The following WDFY4 variants were observed in gnomAD, a reference collection of about 807,000 sequenced individuals.
WDFY4 encodes the protein WD repeat- and FYVE domain-containing protein 4.
A neutral mutation model predicts 351.9 loss-of-function variants in WDFY4; 169 were observed. That is an observed-to-expected ratio of 0.48 (90% CI 0.42 to 0.55). The LOEUF (loss-of-function observed/expected upper bound fraction) is 0.55. Ranked by LOEUF, WDFY4 falls within the 20% of genes least tolerant of loss-of-function variation. The pLI is 0.00. For missense variants in WDFY4, 3,803 were observed against 3,935.6 expected (o/e 0.97, Z 0.90); for synonymous variants, 1,622 against 1,574.6 (o/e 1.03, Z -0.71).
chr10:48,847,252 C>T (rs184335256), intron 39 of WDFY4, among the ~76,000 whole-genome samples: 3 of 152,256 alleles, frequency 2.0e-5, no homozygotes, highest in South Asian at 4.1e-4. Context: ...CTGTTATAAG[C>T]ACACCAGTCA....
At chr10:48,909,325 C>G (rs1034309520) in intron 47 of WDFY4, among the ~76,000 whole-genome samples, 11 of 151,594 alleles carry the variant, frequency 7.3e-5, no homozygotes, top group Admixed American at 2.0e-4. Flanking sequence ...TTTCTTTTTC[C>G]TGCCTACCTA....
intron 1 of WDFY4, among the ~76,000 whole-genome samples, chr10:48,691,358 G>A (rs1218788783): frequency 2.0e-5 from 3 of 152,112 alleles, no homozygotes; most frequent in Non-Finnish European, 2.9e-5. Flanking sequence ...CTGGGTCCCC[G>A]AAGTGGGCAC....
chr10:48,881,260 A>T (rs2133325219), intron 43 of WDFY4, among the ~76,000 whole-genome samples: 1 of 152,380 alleles, frequency 6.6e-6, no homozygotes, highest in South Asian at 2.1e-4. Context: ...TACCTATGGC[A>T]TGGCCCAAGG....
At chr10:48,827,134 C>T (rs1454046668) in intron 36 of WDFY4, among the ~76,000 whole-genome samples, 1 of 152,116 alleles carries the variant, frequency 6.6e-6, no homozygotes, top group Non-Finnish European at 1.5e-5. Flanking sequence ...TACCCTATTT[C>T]CACAATTCTA....
At position 48,966,432 on chromosome 10, in the gene WDFY4, C is replaced by T; in HGVS notation, c.8437-94C>T. ...TCAGGAACAAGCCGAGCTGTGGCAA[C>T]CCCCAGAGACAGGGTGCAGCTACAG... On this transcript the variant is annotated intron_variant, in intron 54 of 61. Coordinates refer to ENST00000325239, the MANE Select transcript of WDFY4 (RefSeq NM_001394531.1). 4 of 1,372,626 alleles carry T rather than the reference C, an allele frequency of 2.9e-6. No homozygotes were observed. In the South Asian group the frequency reaches 4.6e-5, roughly 16 times the overall value. The allele number at this position is 1,372,626 out of a possible 1,614,324, so 85.0% of individuals were successfully genotyped here.
chr10:48,752,043 C>G (rs2065200754), intron 12 of WDFY4, among the ~76,000 whole-genome samples: 1 of 152,212 alleles, frequency 6.6e-6, no homozygotes, highest in Non-Finnish European at 1.5e-5. Context: ...GTCGTACCCA[C>G]AGGTCCCTTG....
intron 51 of WDFY4, among the ~76,000 whole-genome samples, chr10:48,956,002 T>A (rs758336442): frequency 3.9e-5 from 6 of 152,190 alleles, no homozygotes; most frequent in Non-Finnish European, 8.8e-5. Flanking sequence ...CAAAACTTAC[T>A]TAGACCCAAG....
At chr10:48,713,423 C>G (rs2063818043) in intron 2 of WDFY4, among the ~76,000 whole-genome samples, 1 of 152,224 alleles carries the variant, frequency 6.6e-6, no homozygotes, top group African/African-American at 2.4e-5. Flanking sequence ...TCCTCTATCC[C>G]TGTCTTTGTT....
chr10:48,953,337 A>T (rs867663993), intron 51 of WDFY4, among the ~76,000 whole-genome samples: 4,689 of 95,902 alleles, frequency 0.049, 222 homozygotes, highest in African/African-American at 0.15. Context: ...TCTCTCTCAC[A>T]CACACACACA....
intron 11 of WDFY4, among the ~76,000 whole-genome samples, chr10:48,740,826 A>C (rs2064828571): frequency 6.6e-6 from 1 of 152,112 alleles, no homozygotes. Context: ...ACGACAATTC[A>C]ATTCCCTGCA....
chr10:48,801,415 C>A, intron 24 of WDFY4: 1 of 439,318 alleles, frequency 2.3e-6, no homozygotes, highest in Non-Finnish European at 4.6e-6. Flanking sequence ...GTTCTCTCAG[C>A]CCTTAGCCCC....
At chr10:48,812,179 C>CTTTTTT (rs1355851618) in intron 30 of WDFY4, among the ~76,000 whole-genome samples, 17 of 134,538 alleles carry the variant, frequency 1.3e-4, no homozygotes, top group African/African-American at 3.5e-4. Flanking sequence ...TCTTTCTTTT[C>CTTTTTT]TTTTTTTTTT....
intron 16 of WDFY4, 39 bp downstream of exon 16, chr10:48,777,023 A>C: frequency 6.6e-7 from 1 of 1,523,450 alleles, no homozygotes; most frequent in East Asian, 2.5e-5. Flanking sequence ...GCACTTTATT[A>C]ATTTTGCAGT....
intron 41 of WDFY4, among the ~76,000 whole-genome samples, chr10:48,874,234 G>A (rs1288257414): frequency 6.6e-6 from 1 of 152,198 alleles, no homozygotes; most frequent in African/African-American, 2.4e-5. Context: ...ACAGAATCTG[G>A]GTAGTCCCTG....
intron 12 of WDFY4, among the ~76,000 whole-genome samples, chr10:48,758,084 T>C (rs966293071): frequency 6.6e-6 from 1 of 152,182 alleles, no homozygotes; most frequent in Non-Finnish European, 1.5e-5. Flanking sequence ...ATTATTTTCC[T>C]ACCATCTGAA....
chr10:48,833,888 G>A (rs1319368530), intron 39 of WDFY4, among the ~76,000 whole-genome samples: 1 of 152,210 alleles, frequency 6.6e-6, no homozygotes, highest in Admixed American at 6.5e-5. Context: ...TGAACTTCGG[G>A]AAATGAGGTG....
chr10:48,927,923 G>A (rs186230310), intron 47 of WDFY4, among the ~76,000 whole-genome samples: 41 of 152,308 alleles, frequency 2.7e-4, no homozygotes, highest in Middle Eastern at 6.8e-3. Context: ...TAGTTTAACA[G>A]ACTAGAAATG....
chr10:48,774,152 G>A (rs1006123512), intron 13 of WDFY4, among the ~76,000 whole-genome samples: 5 of 152,258 alleles, frequency 3.3e-5, no homozygotes, highest in South Asian at 4.1e-4. Flanking sequence ...AACACAGCAC[G>A]TCTAAGAGGC....
At chr10:48,940,702 G>C (rs1245654059) in intron 47 of WDFY4, among the ~76,000 whole-genome samples, 2 of 152,144 alleles carry the variant, frequency 1.3e-5, no homozygotes, top group East Asian at 1.9e-4. Flanking sequence ...CCTGGTCTTG[G>C]GGGTAGAGGA....
Sources: gnomAD v4.1 joint callset for allele counts (sites outside exome capture counted in the v4.1 genomes callset) on GRCh38, gnomAD v4.1.1 for gene constraint, MANE v1.5 for transcripts, NCBI Gene and HGNC (gene_info 2026-07-23, HGNC 2026-07-21) for gene names.